The following DCC variants were observed in gnomAD, a reference collection of about 807,000 sequenced individuals.
DCC encodes DCC netrin 1 receptor.
Under a neutral mutation model 172.5 loss-of-function variants are expected in DCC, and 58 were observed. That is an observed-to-expected ratio of 0.34 (90% CI 0.27 to 0.42). DCC has a LOEUF of 0.42. Ranked by LOEUF, DCC falls within the 10% of genes least tolerant of loss-of-function variation. DCC has a pLI of 1.00. For synonymous variants in DCC, 709 were observed against 644.5 expected, an observed-to-expected ratio of 1.10 and a Z score of -1.52; for missense variants, 1,740 against 1,791.0, an observed-to-expected ratio of 0.97 and a Z score of 0.51.
At chr18:53,214,739 A>T (rs1267357814) in intron 11 of DCC, among the ~76,000 whole-genome samples, 1 of 152,174 alleles carries the variant, frequency 6.6e-6, no homozygotes, top group Non-Finnish European at 1.5e-5. Flanking sequence ...CATCCCAGAC[A>T]TCTAGAGTAG....
intron 1 of DCC, among the ~76,000 whole-genome samples, chr18:52,609,316 T>G (rs1010473415): frequency 6.6e-6 from 1 of 152,034 alleles, no homozygotes; most frequent in Non-Finnish European, 1.5e-5. Context: ...TTAGTTGTGT[T>G]GACAATTCTG....
intron 2 of DCC, among the ~76,000 whole-genome samples, chr18:52,782,252 T>G (rs2037558826): frequency 6.6e-6 from 1 of 152,120 alleles, no homozygotes; most frequent in Non-Finnish European, 1.5e-5. Flanking sequence ...TTTTAAAAGC[T>G]TAGAAAGTAA....
At chr18:53,240,632 T>A (rs1480943110) in intron 12 of DCC, among the ~76,000 whole-genome samples, 2 of 152,186 alleles carry the variant, frequency 1.3e-5, no homozygotes, top group African/African-American at 4.8e-5. Flanking sequence ...AGCCATTGTT[T>A]CCCTTATCTG....
intron 1 of DCC, among the ~76,000 whole-genome samples, chr18:52,513,491 T>A (rs2031516833): frequency 6.6e-6 from 1 of 152,206 alleles, no homozygotes; most frequent in African/African-American, 2.4e-5. Context: ...TATGGTTTTT[T>A]AAATTATTAT....
intron 3 of DCC, 86 bp from the exon 4 acceptor site, chr18:52,923,620 TC>T: frequency 9.2e-7 from 1 of 1,082,150 alleles, no homozygotes. Flanking sequence ...TTTCTTTCCA[TC>T]TTTTGTTAGG....
chr18:52,463,560 G>T (rs920735693), intron 1 of DCC, among the ~76,000 whole-genome samples: 1 of 152,134 alleles, frequency 6.6e-6, no homozygotes, highest in Non-Finnish European at 1.5e-5. Context: ...AAAACAATTG[G>T]CTGAAGGGCA....
intron 2 of DCC, among the ~76,000 whole-genome samples, chr18:52,808,522 G>T (rs550257339): frequency 1.3e-5 from 2 of 152,026 alleles, no homozygotes; most frequent in African/African-American, 4.8e-5. Context: ...ATGTAAAATG[G>T]ATCACTGTTA....
chr18:53,258,383 A>G (rs1457075049), intron 12 of DCC, among the ~76,000 whole-genome samples: 1 of 151,648 alleles, frequency 6.6e-6, no homozygotes, highest in African/African-American at 2.4e-5. Context: ...ACTGCTTTTA[A>G]TGTGTCCCTG....
intron 7 of DCC, among the ~76,000 whole-genome samples, chr18:53,126,203 C>T (rs2043553784): frequency 6.6e-6 from 1 of 152,102 alleles, no homozygotes; most frequent in Non-Finnish European, 1.5e-5. Context: ...TTTAAATTCA[C>T]AATTTTTGCA....
intron 2 of DCC, among the ~76,000 whole-genome samples, chr18:52,784,284 G>T (rs552192592): frequency 6.6e-6 from 1 of 152,090 alleles, no homozygotes; most frequent in Non-Finnish European, 1.5e-5. Flanking sequence ...ATTCTATTTT[G>T]TATTTTTATA....
At chr18:52,824,864 G>A (rs2038481031) in intron 2 of DCC, among the ~76,000 whole-genome samples, 1 of 152,014 alleles carries the variant, frequency 6.6e-6, no homozygotes, top group South Asian at 2.1e-4. Context: ...CAGCTACTTG[G>A]GAGGCTGAGG....
intron 12 of DCC, among the ~76,000 whole-genome samples, chr18:53,268,350 A>G (rs949391410): frequency 1.4e-4 from 22 of 152,354 alleles, no homozygotes; most frequent in African/African-American, 5.3e-4. Context: ...CTAGCCTCAC[A>G]TAGATTTGGG....
intron 1 of DCC, among the ~76,000 whole-genome samples, chr18:52,689,460 T>C (rs1406532663): frequency 2.0e-5 from 3 of 152,104 alleles, no homozygotes; most frequent in East Asian, 3.9e-4. Context: ...GTTGGATAAA[T>C]TGACGCATCA....
At chr18:53,169,081 A>G (rs766353761) in intron 8 of DCC, among the ~76,000 whole-genome samples, 2 of 152,184 alleles carry the variant, frequency 1.3e-5, no homozygotes, top group Non-Finnish European at 2.9e-5. Flanking sequence ...AGGAGAATAT[A>G]CTCTACCAGA....
At chr18:52,959,303 C>A (rs554389805) in intron 5 of DCC, among the ~76,000 whole-genome samples, 36 of 152,060 alleles carry the variant, frequency 2.4e-4, no homozygotes, top group Non-Finnish European at 4.9e-4. Context: ...TCAGAGCATT[C>A]ATGTTTAAGC....
chr18:53,214,330 A>C (rs2055811530), intron 11 of DCC, among the ~76,000 whole-genome samples: 1 of 152,142 alleles, frequency 6.6e-6, no homozygotes. Context: ...AGAACTATAT[A>C]AGTAAGTACT....
At chr18:52,798,409 G>T (rs1021319886) in intron 2 of DCC, among the ~76,000 whole-genome samples, 3 of 152,122 alleles carry the variant, frequency 2.0e-5, no homozygotes, top group Non-Finnish European at 4.4e-5. Flanking sequence ...TCACTTTGTT[G>T]CTCAGGCTGC....
chr18:52,928,225 A>T (rs949723721), intron 5 of DCC, among the ~76,000 whole-genome samples: 1 of 152,086 alleles, frequency 6.6e-6, no homozygotes, highest in Non-Finnish European at 1.5e-5. Context: ...GGACACAAAG[A>T]TGCAAAGTGT....
intron 14 of DCC, among the ~76,000 whole-genome samples, chr18:53,333,902 T>G (rs763501233): frequency 2.6e-5 from 4 of 152,194 alleles, no homozygotes; most frequent in Admixed American, 1.3e-4. Context: ...ACTACTTCCT[T>G]GAGATAGCCA....
Sources: allele counts gnomAD v4.1 joint callset (sites outside exome capture counted in the v4.1 genomes callset), GRCh38; gene constraint gnomAD v4.1.1; transcripts MANE v1.5; gene names NCBI Gene and HGNC (gene_info 2026-07-23, HGNC 2026-07-21).